Variants in TTC28 observed in about 807,000 individuals in gnomAD.
TTC28 encodes tetratricopeptide repeat domain 28.
A neutral mutation model predicts 198.0 loss-of-function variants in TTC28; 61 were observed. The ratio of observed to expected loss-of-function variants is 0.31; its 90% CI spans 0.25 to 0.38. The LOEUF (loss-of-function observed/expected upper bound fraction) is 0.38, where lower values mean the gene tolerates loss of function less well. TTC28 is among the 10% of genes least tolerant of loss of function. TTC28 has a pLI of 1.00. For synonymous variants in TTC28, 1,171 were observed against 1,297.8 expected, an observed-to-expected ratio of 0.90 and a Z score of 2.10; for missense variants, 2,678 against 3,164.0, an observed-to-expected ratio of 0.85 and a Z score of 3.69.
chr22:28,375,342 G>C (rs969862080), intron 2 of TTC28, among the ~76,000 whole-genome samples: 1 of 152,082 alleles, frequency 6.6e-6, no homozygotes, highest in Non-Finnish European at 1.5e-5. Flanking sequence ...GTATGTGGTG[G>C]CATCTCATTT....
intron 11 of TTC28, among the ~76,000 whole-genome samples, chr22:28,095,228 G>A (rs1318748667): frequency 2.0e-5 from 3 of 151,970 alleles, no homozygotes; most frequent in African/African-American, 7.3e-5. Context: ...AAAGGTCAGC[G>A]GTAAGAACAT....
chr22:27,983,294 C>T lies in TTC28; in HGVS notation c.6373G>A (p.Val2125Met). 6.4e-7 allele frequency: 1 copy of T among 1,552,052 alleles called. No homozygotes were observed. The highest frequency in any genetic ancestry group is 8.7e-7 in the Non-Finnish European group (1 of 1,147,090). Residue 2125 changes from valine to methionine, a missense_variant, in exon 23 of 23, where the codon GTG (valine) becomes ATG (methionine). Val to Met is a conservative substitution (Grantham distance 21). Coordinates refer to ENST00000397906, the MANE Select transcript of TTC28 (RefSeq NM_001145418.2). ...IPSPNSPFQK[V>M]GKLASSDTGE... ...GTATCTGAGCTTGCTAGTTTTCCCA[C>T]CTTTTGGAAGGGTGAGTTGGGGCTG...
intron 2 of TTC28, among the ~76,000 whole-genome samples, chr22:28,600,893 A>G (rs925313712): frequency 5.9e-5 from 9 of 152,194 alleles, no homozygotes; most frequent in African/African-American, 2.2e-4. Context: ...CCTTTTCTCA[A>G]TATGCTTTCT....
At chr22:28,116,068 T>C (rs763790142) in intron 6 of TTC28, among the ~76,000 whole-genome samples, 3 of 152,154 alleles carry the variant, frequency 2.0e-5, no homozygotes, top group Non-Finnish European at 2.9e-5. Context: ...TGCAGAGAAA[T>C]AGGTTCTATT....
At chr22:28,008,604 C>T (rs969178882) in intron 14 of TTC28, 2 of 152,236 alleles carry the variant, frequency 1.3e-5, no homozygotes, top group Admixed American at 6.5e-5. Context: ...GACTCTATAA[C>T]TAGAGCAAGT....
chr22:28,362,474 C>A (rs1366883247), intron 2 of TTC28, among the ~76,000 whole-genome samples: 1 of 152,100 alleles, frequency 6.6e-6, no homozygotes, highest in Non-Finnish European at 1.5e-5. Flanking sequence ...TGGACTACTG[C>A]AGTAAATTGG....
chr22:28,013,676 A>T (rs1938243436), intron 14 of TTC28, among the ~76,000 whole-genome samples: 1 of 152,064 alleles, frequency 6.6e-6, no homozygotes, highest in Non-Finnish European at 1.5e-5. Flanking sequence ...GGAGGTGGGG[A>T]AGCATTCATT....
chr22:28,133,898 G>T (rs183405470), intron 6 of TTC28, among the ~76,000 whole-genome samples: 1 of 152,218 alleles, frequency 6.6e-6, no homozygotes, highest in Non-Finnish European at 1.5e-5. Flanking sequence ...ATCTGAGAGC[G>T]GACAGACTGC....
At chr22:28,360,532 A>T (rs2046142258) in intron 2 of TTC28, among the ~76,000 whole-genome samples, 1 of 152,226 alleles carries the variant, frequency 6.6e-6, no homozygotes, top group South Asian at 2.1e-4. Flanking sequence ...AGCAAAGTAC[A>T]ACATTCTCAA....
intron 2 of TTC28, among the ~76,000 whole-genome samples, chr22:28,365,079 AAATTTCTAC>A: frequency 6.6e-6 from 1 of 152,166 alleles, no homozygotes; most frequent in Non-Finnish European, 1.5e-5. Context: ...TTGTCTTAAG[AAATTTCTAC>A]AGCCACCCCA....
At chr22:28,640,320 G>C (rs955273299) in intron 1 of TTC28, among the ~76,000 whole-genome samples, 1 of 143,262 alleles carries the variant, frequency 7.0e-6, no homozygotes, top group African/African-American at 2.6e-5. Flanking sequence ...AAAGGGGGGG[G>C]GGGGAAAGAT....
chr22:28,252,668 C>T (rs1930604828), intron 5 of TTC28, among the ~76,000 whole-genome samples: 1 of 152,098 alleles, frequency 6.6e-6, no homozygotes, highest in East Asian at 1.9e-4. Context: ...GGTTTGTGTT[C>T]AAAGGCCACA....
intron 5 of TTC28, among the ~76,000 whole-genome samples, chr22:28,222,253 C>T (rs1927932321): frequency 6.6e-6 from 1 of 152,190 alleles, no homozygotes; most frequent in South Asian, 2.1e-4. Flanking sequence ...CCCCTGTTGA[C>T]CTAGAGCTCT....
At chr22:28,576,738 T>C (rs1248433196) in intron 2 of TTC28, among the ~76,000 whole-genome samples, 1 of 152,108 alleles carries the variant, frequency 6.6e-6, no homozygotes, top group African/African-American at 2.4e-5. Context: ...TAGGAATTTA[T>C]ACATTTCTTT....
At chr22:28,582,270 C>A (rs1313235206) in intron 2 of TTC28, among the ~76,000 whole-genome samples, 1 of 152,030 alleles carries the variant, frequency 6.6e-6, no homozygotes, top group Non-Finnish European at 1.5e-5. Context: ...ATATTTATTT[C>A]TTAGTGCCAC....
At chr22:28,402,372 T>C (rs2046927662) in intron 2 of TTC28, among the ~76,000 whole-genome samples, 1 of 152,228 alleles carries the variant, frequency 6.6e-6, no homozygotes, top group Non-Finnish European at 1.5e-5. Context: ...AAAAGTCCTG[T>C]GGTGGCACAT....
At chr22:28,032,375 T>C (rs1442658248) in intron 12 of TTC28, among the ~76,000 whole-genome samples, 2 of 149,946 alleles carry the variant, frequency 1.3e-5, no homozygotes, top group Non-Finnish European at 3.0e-5. Context: ...ATCTAGTAAT[T>C]ATCTCAGAAC....
intron 12 of TTC28, among the ~76,000 whole-genome samples, chr22:28,071,934 G>A (rs1413109555): frequency 6.6e-6 from 1 of 152,210 alleles, no homozygotes; most frequent in South Asian, 2.1e-4. Context: ...TACTTGTGAA[G>A]CCTTAACGAG....
rs749519272 is a variant in TTC28, at chr22:28,377,258, TA to T, written c.382-70616del. On this transcript the variant is annotated intron_variant, in intron 2 of 22. Transcript: ENST00000397906. ...ACTAGGACATAATATATTCTAAAGT[TA>T]AAAAAAAAAAAACCTTGTAATACAT... Among the ~76,000 whole-genome samples the T allele has an allele frequency of 5.5e-3, 763 of 138,624 alleles. 4 individuals are homozygous for T. The highest frequency in any genetic ancestry group is 8.8e-3 in the Non-Finnish European group (556 of 63,330). 90.9% of individuals were successfully genotyped at this position (138,624 alleles called of 152,430 possible). A position where few individuals can be genotyped will look rare whatever the true frequency, so the allele number is the denominator to read the frequency against.
Sources: gnomAD v4.1 joint callset for allele counts (sites outside exome capture counted in the v4.1 genomes callset) on GRCh38, gnomAD v4.1.1 for gene constraint, MANE v1.5 for transcripts, NCBI Gene and HGNC (gene_info 2026-07-23, HGNC 2026-07-21) for gene names.